RIN2: variants seen among roughly 807,000 people sequenced by gnomAD.
The protein encoded by RIN2 is RAB5 interacting protein 2.
Under a neutral mutation model 78.0 loss-of-function variants are expected in RIN2, and 36 were observed. The observed-to-expected ratio is 0.46, with a 90% CI of 0.35 to 0.61. The LOEUF (loss-of-function observed/expected upper bound fraction) is 0.61, where lower values mean the gene tolerates loss of function less well. Ranked by LOEUF, RIN2 falls within the 20% of genes least tolerant of loss-of-function variation. RIN2 has a pLI of 0.00. For synonymous variants in RIN2, 466 were observed against 466.8 expected (o/e 1.00, Z 0.02); for missense variants, 1,087 against 1,159.7 (o/e 0.94, Z 0.91).
intron 2 of RIN2, among the ~76,000 whole-genome samples, chr20:19,811,776 ACT>A (rs67705972): frequency 0.29 from 44,477 of 151,326 alleles, 7,020 homozygotes; most frequent in African/African-American, 0.42. Context: ...CTAATATGAA[ACT>A]CTCTTTGAGT....
rs192445747 is a variant in RIN2, at chr20:19,898,030, A to G, written c.57+8372A>G. ...TGCCCAGCCTGTTGGCTATTTTTGG[A>G]TGCACACACATGCCTCTCACCATTT... On this transcript the variant is annotated intron_variant, in intron 3 of 12. Transcript: ENST00000255006. 4.6e-5 allele frequency among the ~76,000 whole-genome samples: 7 copies of G among 152,200 alleles called. No individual in the cohort carries two copies. The East Asian group carries it at 1.4e-3, about 29-fold the overall frequency.
chr20:19,785,275 T>TACACACAC (rs11471757), intron 1 of RIN2, among the ~76,000 whole-genome samples: 1,432 of 143,040 alleles, frequency 0.01, 18 homozygotes, highest in African/African-American at 0.034. Flanking sequence ...CCCCTCTACA[T>TACACACAC]ACACACACAC....
At chr20:19,837,853 G>C (rs2036468484) in intron 2 of RIN2, among the ~76,000 whole-genome samples, 1 of 146,966 alleles carries the variant, frequency 6.8e-6, no homozygotes, top group Admixed American at 6.9e-5. Context: ...TTCCTTTCTT[G>C]TGGGAGTGAA....
intron 9 of RIN2, among the ~76,000 whole-genome samples, chr20:19,983,460 T>C (rs988586626): frequency 2.0e-5 from 3 of 152,072 alleles, no homozygotes; most frequent in Non-Finnish European, 4.4e-5. Flanking sequence ...CATATAATAT[T>C]AGAATAGGAA....
chr20:19,779,724 A>C (rs1403033469), intron 1 of RIN2, among the ~76,000 whole-genome samples: 7 of 152,232 alleles, frequency 4.6e-5, no homozygotes, highest in African/African-American at 1.7e-4. Context: ...ATTTTCTAAA[A>C]TAAGACTTTC....
At chr20:19,762,334 A>G (rs1374177736) in intron 1 of RIN2, among the ~76,000 whole-genome samples, 1 of 152,214 alleles carries the variant, frequency 6.6e-6, no homozygotes, top group Non-Finnish European at 1.5e-5. Context: ...TGGAGTTAGA[A>G]TTTCAGGGAC....
chr20:19,996,521 G>A (rs1344214385), intron 11 of RIN2, among the ~76,000 whole-genome samples, 158 bp from the exon 12 acceptor site: 1 of 152,144 alleles, frequency 6.6e-6, no homozygotes, highest in Non-Finnish European at 1.5e-5. Flanking sequence ...AGGAGTGAGT[G>A]CCATGCTCTT....
chr20:19,974,822 A>G lies in RIN2; in HGVS notation c.797A>G (p.Asn266Ser), dbSNP rs201551000. ...TCAGAGCTGGAGTGCAGCCAGACCA[A>G]CGGGGCCCTGTGCTTTATTAATCCC... The part of the protein sequence containing the change: ...TPSELECSQT[N>S]GALCFINPLF... The change falls in exon 9 of 13, where the codon AAC (asparagine) becomes AGC (serine). Residue 266 changes from asparagine (N) to serine (S), a missense_variant. Asn to Ser is a conservative substitution (Grantham distance 46, BLOSUM62 1). Around this residue, in one of 8 missense-constraint regions of RIN2, gnomAD observed 706 missense variants for 667.5 expected, o/e 1.06. Transcript: ENST00000255006. 18 of 1,614,004 alleles carry G rather than the reference A, an allele frequency of 1.1e-5. No individual in the cohort carries two copies. The highest frequency in any genetic ancestry group is 1.6e-4 in the Middle Eastern group (1 of 6,062).
At chr20:19,792,675 C>T (rs1420490954) in intron 1 of RIN2, among the ~76,000 whole-genome samples, 1 of 152,196 alleles carries the variant, frequency 6.6e-6, no homozygotes, top group Non-Finnish European at 1.5e-5. Flanking sequence ...CCAAAGAAGA[C>T]TCAGGTTTGC....
chr20:19,869,016 G>A (rs1449845169), intron 2 of RIN2, among the ~76,000 whole-genome samples: 1 of 135,472 alleles, frequency 7.4e-6, no homozygotes, highest in Non-Finnish European at 1.6e-5. Context: ...GGGAGGTGGA[G>A]GTTGCAGTTG....
At chr20:19,927,881 G>A (rs529088197) in intron 3 of RIN2, among the ~76,000 whole-genome samples, 3 of 151,784 alleles carry the variant, frequency 2.0e-5, no homozygotes, top group African/African-American at 7.2e-5. Context: ...GAGGATTAGA[G>A]AGTATTTAGG....
Position 19,956,645 on chromosome 20 carries a change from C to A in RIN2, c.189C>A (p.Ser63=), listed in dbSNP as rs368413043. The part of the protein sequence containing the change: ...SMVRHKDGGY[S]EEEDVKTCAR... ...TAAGACACAAGGATGGTGGCTATTC[C>A]GAGGAAGAGGACGTGAAGACCTGTG... is the stretch of plus-strand genomic sequence containing the variant. The change falls in exon 5 of 13, where the codon TCC becomes TCA. Residue 63 remains serine, a synonymous_variant. Coordinates refer to ENST00000255006, the MANE Select transcript of RIN2 (RefSeq NM_018993.4). The A allele has an allele frequency of 3.7e-6, 6 of 1,613,402 alleles. No homozygotes were observed. Among genetic ancestry groups the A allele is most frequent in the Non-Finnish European group, 5.1e-6 (6 of 1,179,696 alleles).
chr20:19,821,467 G>C (rs1174530642), intron 2 of RIN2, among the ~76,000 whole-genome samples: 1 of 151,988 alleles, frequency 6.6e-6, no homozygotes, highest in Non-Finnish European at 1.5e-5. Flanking sequence ...GTATTCAGTG[G>C]GGCCCCATCA....
At chr20:19,909,085 A>G (rs2039349470) in intron 3 of RIN2, among the ~76,000 whole-genome samples, 1 of 152,166 alleles carries the variant, frequency 6.6e-6, no homozygotes, top group Non-Finnish European at 1.5e-5. Flanking sequence ...GCTGGTCTCA[A>G]ACTCCTGACG....
chr20:19,798,499 G>A (rs991653551), intron 1 of RIN2, among the ~76,000 whole-genome samples: 6 of 151,992 alleles, frequency 3.9e-5, no homozygotes, highest in Middle Eastern at 3.4e-3. Flanking sequence ...GAAAGCAGTG[G>A]GAAAAAAAGA....
At chr20:19,890,152 C>G (rs2038382208) in intron 3 of RIN2, among the ~76,000 whole-genome samples, 1 of 152,132 alleles carries the variant, frequency 6.6e-6, no homozygotes, top group Non-Finnish European at 1.5e-5. Context: ...ATCAAACATC[C>G]CCAAAGGCTT....
chr20:19,843,690 G>T (rs2036649171), intron 2 of RIN2, among the ~76,000 whole-genome samples: 1 of 152,016 alleles, frequency 6.6e-6, no homozygotes, highest in Non-Finnish European at 1.5e-5. Flanking sequence ...TGGTGGTCTG[G>T]AACCAAACCA....
intron 1 of RIN2, among the ~76,000 whole-genome samples, chr20:19,773,522 G>A (rs2034208203): frequency 6.6e-6 from 1 of 152,134 alleles, no homozygotes; most frequent in African/African-American, 2.4e-5. Flanking sequence ...TGTTGGGGAG[G>A]CCTTAGCACC....
At chr20:19,851,685 A>T (rs550172289) in intron 2 of RIN2, among the ~76,000 whole-genome samples, 13 of 152,154 alleles carry the variant, frequency 8.5e-5, no homozygotes, top group African/African-American at 3.1e-4. Context: ...TTGTGCTACT[A>T]CACTCCAACC....
Sources: allele counts gnomAD v4.1 joint callset (sites outside exome capture counted in the v4.1 genomes callset), GRCh38; gene constraint gnomAD v4.1.1; regional missense constraint gnomAD v4.1.1; transcripts MANE v1.5; gene names NCBI Gene and HGNC (gene_info 2026-07-23, HGNC 2026-07-21).